PABPC4L: variants seen among roughly 807,000 people sequenced by gnomAD.
The protein encoded by PABPC4L is polyadenylate-binding protein 4-like.
For synonymous variants in PABPC4L, 169 were observed against 164.1 expected (o/e 1.03, Z -0.23); for missense variants, 452 against 451.4 (o/e 1.00, Z -0.01).
chr4:134,166,337 A>G, the PABPC4L span, among the ~76,000 whole-genome samples: 58 of 152,350 alleles, frequency 3.8e-4, no homozygotes, highest in African/African-American at 1.3e-3. Flanking sequence ...ATGTAAATAT[A>G]GAAAATAAAT....
At chr4:134,017,752 A>C in the PABPC4L span, among the ~76,000 whole-genome samples, 2 of 151,938 alleles carry the variant, frequency 1.3e-5, 1 homozygote, top group Non-Finnish European at 2.9e-5. Flanking sequence ...CTATATGACA[A>C]ATGTTTCTTC....
At chr4:134,025,426 G>C in the PABPC4L span, among the ~76,000 whole-genome samples, 2 of 151,708 alleles carry the variant, frequency 1.3e-5, no homozygotes, top group Non-Finnish European at 2.9e-5. Flanking sequence ...ACTCCAAGAA[G>C]GGTAGAATAT....
At chr4:134,163,040 A>G in the PABPC4L span, among the ~76,000 whole-genome samples, 2 of 152,152 alleles carry the variant, frequency 1.3e-5, no homozygotes, top group African/African-American at 4.8e-5. Flanking sequence ...AACTGAAACA[A>G]AAAATTACAA....
At chr4:134,101,224 G>A in the PABPC4L span, among the ~76,000 whole-genome samples, 47,467 of 151,144 alleles carry the variant, frequency 0.31, 9,185 homozygotes, top group East Asian at 0.94. Flanking sequence ...AGATGGAGGC[G>A]CATTTAACTT....
the PABPC4L span, among the ~76,000 whole-genome samples, chr4:134,076,015 G>GAA: frequency 9.2e-5 from 13 of 140,844 alleles, no homozygotes; most frequent in African/African-American, 2.9e-4. Context: ...ATAGGAACTG[G>GAA]AAAAAAAAAA....
chr4:134,012,171 T>C, the PABPC4L span, among the ~76,000 whole-genome samples: 1 of 152,164 alleles, frequency 6.6e-6, no homozygotes, highest in Non-Finnish European at 1.5e-5. Flanking sequence ...TAATAGTACC[T>C]AGCTATACAA....
chr4:134,096,569 A>C, the PABPC4L span, among the ~76,000 whole-genome samples: 1 of 151,910 alleles, frequency 6.6e-6, no homozygotes, highest in Admixed American at 6.6e-5. Context: ...ACAATGGCTT[A>C]AGTCAGGAAA....
chr4:134,028,418 G>T, the PABPC4L span, among the ~76,000 whole-genome samples: 20 of 141,510 alleles, frequency 1.4e-4, no homozygotes, highest in South Asian at 4.7e-3. Context: ...AAAGTCCATG[G>T]GCTTCCTGAA....
chr4:134,145,218 T>C, the PABPC4L span, among the ~76,000 whole-genome samples: 1 of 151,836 alleles, frequency 6.6e-6, no homozygotes, highest in Non-Finnish European at 1.5e-5. Flanking sequence ...ATTCCCATGA[T>C]ATTCTGTTAT....
chr4:134,004,561 T>G, the PABPC4L span, among the ~76,000 whole-genome samples: 1 of 151,896 alleles, frequency 6.6e-6, no homozygotes, highest in African/African-American at 2.4e-5. Flanking sequence ...GAAATCAGTA[T>G]GGAGGTTCCT....
At chr4:134,079,019 TG>T in the PABPC4L span, among the ~76,000 whole-genome samples, 1 of 131,872 alleles carries the variant, frequency 7.6e-6, no homozygotes, top group South Asian at 2.7e-4. Flanking sequence ...TCGCCCAGGC[TG>T]GGGTGTAGTG....
At chr4:134,097,770 C>G in the PABPC4L span, among the ~76,000 whole-genome samples, 4 of 151,902 alleles carry the variant, frequency 2.6e-5, no homozygotes, top group Non-Finnish European at 5.9e-5. Context: ...TTACTCAAAC[C>G]ACCAACCAGT....
the PABPC4L span, among the ~76,000 whole-genome samples, chr4:134,130,176 G>GA: frequency 1.3e-5 from 2 of 149,562 alleles, no homozygotes; most frequent in East Asian, 3.9e-4. Flanking sequence ...CAGAAGAAAA[G>GA]AAATAACCAG....
At chr4:134,004,569 C>T in the PABPC4L span, among the ~76,000 whole-genome samples, 17 of 151,826 alleles carry the variant, frequency 1.1e-4, no homozygotes, top group South Asian at 2.1e-4. Context: ...TATGGAGGTT[C>T]CTCAGAAAAT....
At chr4:133,953,162 A>C in the PABPC4L span, among the ~76,000 whole-genome samples, 2 of 152,118 alleles carry the variant, frequency 1.3e-5, no homozygotes, top group African/African-American at 4.8e-5. Flanking sequence ...ATTCTCTCTT[A>C]AAATGTCCTG....
the PABPC4L span, among the ~76,000 whole-genome samples, chr4:134,187,633 A>G: frequency 6.6e-6 from 1 of 151,982 alleles, no homozygotes; most frequent in African/African-American, 2.4e-5. Flanking sequence ...GTAAGAATCA[A>G]TATGTATTTT....
chr4:134,115,138 T>G, the PABPC4L span, among the ~76,000 whole-genome samples: 1 of 151,988 alleles, frequency 6.6e-6, no homozygotes, highest in East Asian at 1.9e-4. Flanking sequence ...AAAGAACATG[T>G]TTTCAAAGAG....
At chr4:134,061,358 C>A in the PABPC4L span, among the ~76,000 whole-genome samples, 2 of 151,604 alleles carry the variant, frequency 1.3e-5, no homozygotes. Context: ...TGAAATGACC[C>A]ACCGAATTAA....
At chr4:134,155,645 C>A in the PABPC4L span, among the ~76,000 whole-genome samples, 1 of 151,496 alleles carries the variant, frequency 6.6e-6, no homozygotes, top group African/African-American at 2.4e-5. Context: ...CATTTAAAAC[C>A]CAAAGTTATT....
Sources: gnomAD v4.1 joint callset for allele counts (sites outside exome capture counted in the v4.1 genomes callset) on GRCh38, gnomAD v4.1.1 for gene constraint, MANE v1.5 for transcripts, NCBI Gene and HGNC (gene_info 2026-07-23, HGNC 2026-07-21) for gene names.